TFEC: variants seen among roughly 807,000 people sequenced by gnomAD.
TFEC encodes transcription factor EC, also known as class E basic helix-loop-helix protein 34.
A neutral mutation model predicts 41.6 loss-of-function variants in TFEC; 31 were observed. The ratio of observed to expected loss-of-function variants is 0.74; its 90% CI spans 0.56 to 1.01. The LOEUF (loss-of-function observed/expected upper bound fraction) is 1.01. Among genes scored for constraint, TFEC ranks in the 50% least tolerant of loss-of-function variants. The pLI is 0.00. For missense variants in TFEC, 402 were observed against 404.1 expected (o/e 0.99, Z 0.04); for synonymous variants, 143 against 140.6 (o/e 1.02, Z -0.12).
intron 3 of TFEC, among the ~76,000 whole-genome samples, chr7:116,078,567 T>C (rs1397981153): frequency 6.6e-6 from 1 of 151,980 alleles, no homozygotes; most frequent in African/African-American, 2.4e-5. Flanking sequence ...TTTACATGCA[T>C]ACTCTAGGAA....
In TFEC at chr7:115,974,451, A is replaced by ATATATATATATATATAT. The variant is rs869072558; in HGVS notation, c.181-196_181-195insATATATATATATATATA. ...ATATATATATATATATATATATATA[A>ATATATATATATATATAT]AAACACAGATTACTTTAGCATTGAA... On this transcript the variant is annotated intron_variant, in intron 2 of 7. Coordinates refer to ENST00000265440, the MANE Select transcript of TFEC (RefSeq NM_012252.4). 5.7e-4 allele frequency among the ~76,000 whole-genome samples: 15 copies of ATATATATATATATATAT among 26,370 alleles called. 1 individual carries two copies. The highest frequency in any genetic ancestry group is 9.1e-4 in the Non-Finnish European group (13 of 14,332). 17.3% of individuals were successfully genotyped at this position (26,370 alleles called of 152,430 possible). A position where few individuals can be genotyped will look rare whatever the true frequency, so the allele number is the denominator to read the frequency against.
At chr7:116,070,729 A>T (rs1796807499) in intron 3 of TFEC, among the ~76,000 whole-genome samples, 1 of 151,376 alleles carries the variant, frequency 6.6e-6, no homozygotes, top group Admixed American at 6.6e-5. Context: ...AAGTATTAAG[A>T]TTTTTCTATG....
At chr7:115,943,550 A>T (rs1188478229) in intron 6 of TFEC, among the ~76,000 whole-genome samples, 2 of 151,866 alleles carry the variant, frequency 1.3e-5, no homozygotes, top group African/African-American at 4.8e-5. Context: ...GATGTCACTT[A>T]CAATAATTTT....
At chr7:116,069,136 A>C (rs912265354) in intron 3 of TFEC, among the ~76,000 whole-genome samples, 1 of 151,646 alleles carries the variant, frequency 6.6e-6, no homozygotes, top group South Asian at 2.1e-4. Flanking sequence ...AACCAGAGGC[A>C]CTCTAAAGAT....
intron 1 of TFEC, among the ~76,000 whole-genome samples, chr7:116,029,113 T>C (rs1186223558): frequency 6.6e-6 from 1 of 152,110 alleles, no homozygotes; most frequent in African/African-American, 2.4e-5. Flanking sequence ...GCTCCAAGTT[T>C]CAGTTCAACA....
chr7:116,140,781 C>T (rs1010376677), intron 1 of TFEC, among the ~76,000 whole-genome samples: 1 of 152,168 alleles, frequency 6.6e-6, no homozygotes, highest in Non-Finnish European at 1.5e-5. Flanking sequence ...GCATTATGTG[C>T]ACTGTAGCAT....
intron 3 of TFEC, among the ~76,000 whole-genome samples, chr7:116,109,952 CATT>C (rs1298607486): frequency 6.6e-6 from 1 of 152,144 alleles, no homozygotes; most frequent in Non-Finnish European, 1.5e-5. Context: ...TGGAAACCAT[CATT>C]CTCAGCAAAC....
chr7:116,022,604 G>A (rs1795439797), intron 1 of TFEC, among the ~76,000 whole-genome samples: 1 of 152,174 alleles, frequency 6.6e-6, no homozygotes. Context: ...CAACAGGGCA[G>A]GGTAAGGAAC....
intron 1 of TFEC, among the ~76,000 whole-genome samples, chr7:116,006,383 T>C (rs985048955): frequency 4.6e-5 from 7 of 152,176 alleles, no homozygotes; most frequent in Non-Finnish European, 7.3e-5. Context: ...ACCTCTTGCA[T>C]CTGTGTGACC....
chr7:115,976,448 A>G (rs1045029667), intron 2 of TFEC, among the ~76,000 whole-genome samples: 3 of 152,060 alleles, frequency 2.0e-5, no homozygotes, highest in African/African-American at 7.2e-5. Context: ...TAAATAAGTT[A>G]CTGAATTTGT....
intron 3 of TFEC, among the ~76,000 whole-genome samples, chr7:116,099,406 C>T (rs1230217708): frequency 6.6e-6 from 1 of 152,136 alleles, no homozygotes; most frequent in African/African-American, 2.4e-5. Context: ...ATGAATCACA[C>T]CTCCCTCTAT....
In TFEC at chr7:116,129,185, G is replaced by T. The variant is rs188313777; in HGVS notation, c.-68-17147C>A. On this transcript the variant is annotated intron_variant, in intron 1 of 8. Transcript: ENST00000484212. ...ATTTATTTATTTAATTTATTTTGTC[G>T]AAGGGTTCTTTTTTCAGGAGTCCTT... Among the ~76,000 whole-genome samples, 23 of 152,190 alleles carry T rather than the reference G, an allele frequency of 1.5e-4. 2 individuals carry two copies. The South Asian group carries it at 3.7e-3, about 25-fold the overall frequency.
intron 4 of TFEC, among the ~76,000 whole-genome samples, chr7:115,955,947 T>G (rs1021084841): frequency 2.6e-5 from 4 of 151,960 alleles, no homozygotes; most frequent in Admixed American, 2.0e-4. Flanking sequence ...AACCAAAAGT[T>G]TATTGCAGAA....
At chr7:116,109,079 G>A (rs1349558372) in intron 3 of TFEC, among the ~76,000 whole-genome samples, 1 of 151,662 alleles carries the variant, frequency 6.6e-6, no homozygotes, top group Non-Finnish European at 1.5e-5. Flanking sequence ...AATTCAAGAT[G>A]GATTAAAGAC....
intron 3 of TFEC, among the ~76,000 whole-genome samples, chr7:116,051,156 G>A (rs1267035720): frequency 1.3e-5 from 2 of 152,140 alleles, no homozygotes; most frequent in Non-Finnish European, 2.9e-5. Context: ...TTGGGGTTGG[G>A]GGAAGGGGGA....
chr7:116,126,659 G>A (rs1798215379), intron 1 of TFEC, among the ~76,000 whole-genome samples: 1 of 151,562 alleles, frequency 6.6e-6, no homozygotes, highest in Non-Finnish European at 1.5e-5. Context: ...GAGGAGCGTG[G>A]ATAGAAAAAA....
At chr7:116,007,630 A>G (rs1454220404) in intron 1 of TFEC, among the ~76,000 whole-genome samples, 7 of 152,134 alleles carry the variant, frequency 4.6e-5, no homozygotes, top group African/African-American at 1.4e-4. Context: ...TAGTTCTTGT[A>G]TGTGTTTCAG....
intron 1 of TFEC, among the ~76,000 whole-genome samples, chr7:116,012,484 G>C (rs1298781028): frequency 1.3e-5 from 2 of 152,034 alleles, no homozygotes; most frequent in African/African-American, 2.4e-5. Flanking sequence ...AAACAAGACT[G>C]ATTTCTTTAA....
At chr7:115,993,270 A>G (rs761874477) in intron 1 of TFEC, among the ~76,000 whole-genome samples, 4 of 152,306 alleles carry the variant, frequency 2.6e-5, no homozygotes, top group Non-Finnish European at 4.4e-5. Flanking sequence ...GGAAAAAACT[A>G]GAAGCATTCC....
Sources: allele counts gnomAD v4.1 joint callset (sites outside exome capture counted in the v4.1 genomes callset), GRCh38; gene constraint gnomAD v4.1.1; transcripts MANE v1.5; gene names NCBI Gene and HGNC (gene_info 2026-07-23, HGNC 2026-07-21).